PRICKLE2: variants seen among roughly 807,000 people sequenced by gnomAD.
PRICKLE2 encodes the protein prickle-like protein 2.
A neutral mutation model predicts 81.4 loss-of-function variants in PRICKLE2; 21 were observed. The observed-to-expected ratio is 0.26, with a 90% confidence interval of 0.18 to 0.37. The LOEUF (loss-of-function observed/expected upper bound fraction) is 0.37, where lower values mean the gene tolerates loss of function less well. Among genes scored for constraint, PRICKLE2 ranks in the 10% least tolerant of loss-of-function variants. PRICKLE2 has a pLI of 1.00. For synonymous variants in PRICKLE2, 456 were observed against 421.5 expected, an observed-to-expected ratio of 1.08 and a Z score of -1.00; for missense variants, 940 against 1,109.0, an observed-to-expected ratio of 0.85 and a Z score of 2.16.
At chr3:64,117,303 C>T (rs1318494608) in intron 7 of PRICKLE2, among the ~76,000 whole-genome samples, 1 of 152,130 alleles carries the variant, frequency 6.6e-6, no homozygotes, top group Non-Finnish European at 1.5e-5. Flanking sequence ...ACAAGGATGC[C>T]CTCTCTCACC....
intron 7 of PRICKLE2, among the ~76,000 whole-genome samples, chr3:64,144,066 T>C (rs1319034987): frequency 6.6e-6 from 1 of 152,074 alleles, no homozygotes; most frequent in East Asian, 1.9e-4. Context: ...TAAAACCCAC[T>C]GCATGGACAA....
chr3:64,114,207 A>G lies in PRICKLE2; in HGVS notation c.1661-14282T>C, dbSNP rs990285562. ...CATCAAATAGGATTAAGAAAAAAAA[A>G]AAAACCATGCAAAGGTCAGCAACCT... is the stretch of plus-strand genomic sequence containing the variant. On this transcript the variant is annotated intron_variant, in intron 7 of 7. Coordinates refer to ENST00000638394, the MANE Select transcript of PRICKLE2 (RefSeq NM_198859.4). Among the ~76,000 whole-genome samples, 12 of 152,292 alleles carry G rather than the reference A, an allele frequency of 7.9e-5. 1 individual carries two copies. Among genetic ancestry groups the G allele is most frequent in the African/African-American group, 2.4e-4 (10 of 41,554 alleles).
chr3:64,179,598 A>G (rs1575626886), intron 2 of PRICKLE2, among the ~76,000 whole-genome samples: 1 of 152,218 alleles, frequency 6.6e-6, no homozygotes, highest in Admixed American at 6.5e-5. Flanking sequence ...CCATGTATGC[A>G]TTAGGCAATT....
chr3:64,191,903 C>T (rs778607801), intron 2 of PRICKLE2, among the ~76,000 whole-genome samples: 22 of 152,202 alleles, frequency 1.4e-4, no homozygotes, highest in Non-Finnish European at 2.8e-4. Flanking sequence ...TTTGGATACA[C>T]AGTGGGCTTC....
chr3:64,198,754 C>G, intron 2 of PRICKLE2, 30 bp downstream of exon 2: 1 of 1,612,296 alleles, frequency 6.2e-7, no homozygotes, highest in Non-Finnish European at 8.5e-7. Context: ...AACACCCAAA[C>G]CACCAGCATG....
chr3:64,240,495 T>A (rs1168597849), intron 2 of PRICKLE2, among the ~76,000 whole-genome samples: 1 of 152,186 alleles, frequency 6.6e-6, no homozygotes, highest in Non-Finnish European at 1.5e-5. Context: ...TCTGCAGGAC[T>A]CCCGGGATCC....
At chr3:64,157,990 C>G (rs1174582954) in intron 4 of PRICKLE2, among the ~76,000 whole-genome samples, 1 of 152,246 alleles carries the variant, frequency 6.6e-6, no homozygotes, top group Non-Finnish European at 1.5e-5. Context: ...CCCTTCCCTA[C>G]CTTCTCACTC....
intron 7 of PRICKLE2, among the ~76,000 whole-genome samples, chr3:64,139,009 T>A (rs1441902005): frequency 1.3e-5 from 2 of 152,256 alleles, no homozygotes; most frequent in African/African-American, 4.8e-5. Flanking sequence ...TTGCAAGGAT[T>A]AAAAAACATC....
At chr3:64,248,004 T>TG (rs2079384539) in intron 2 of PRICKLE2, among the ~76,000 whole-genome samples, 1 of 152,146 alleles carries the variant, frequency 6.6e-6, no homozygotes. Flanking sequence ...GGCACCTCAA[T>TG]CCACAAAACG....
At position 64,153,176 on chromosome 3, in the gene PRICKLE2, C is replaced by T; in HGVS notation, c.787+6G>A. 1 of 1,613,834 alleles carries T rather than the reference C, an allele frequency of 6.2e-7. No individual in the cohort carries two copies. The highest frequency in any genetic ancestry group is 2.2e-5 in the East Asian group (1 of 44,874). On this transcript the variant is annotated splice_donor_region_variant and intron_variant, in intron 6 of 7. Coordinates refer to ENST00000638394, the MANE Select transcript of PRICKLE2 (RefSeq NM_198859.4). The stretch of plus-strand genomic sequence containing the variant: ...GGACCAAGCTGACTGCCAAATATTG[C>T]CTCACCTATATGTTGGGCACAGGTG...
intron 7 of PRICKLE2, chr3:64,100,586 A>G (rs2076643136): frequency 6.6e-6 from 1 of 152,348 alleles, no homozygotes; most frequent in Non-Finnish European, 1.5e-5. Context: ...TCTAGCAGCC[A>G]GAAGATGTGT....
chr3:64,114,910 G>C (rs770357666), intron 7 of PRICKLE2, among the ~76,000 whole-genome samples: 1 of 151,962 alleles, frequency 6.6e-6, no homozygotes, highest in Non-Finnish European at 1.5e-5. Context: ...GATTTTCTGA[G>C]GTCAAAATAA....
intron 2 of PRICKLE2, among the ~76,000 whole-genome samples, chr3:64,165,011 G>T (rs910382213): frequency 2.6e-5 from 4 of 152,216 alleles, no homozygotes; most frequent in Non-Finnish European, 5.9e-5. Context: ...ACTGCTTGTA[G>T]AAAGGCCTTG....
intron 2 of PRICKLE2, among the ~76,000 whole-genome samples, chr3:64,264,799 T>C (rs2079672829): frequency 6.6e-6 from 1 of 152,228 alleles, no homozygotes; most frequent in Non-Finnish European, 1.5e-5. Context: ...AAAGATGTGA[T>C]AAGCAATGTC....
At chr3:64,127,027 C>A (rs563432198) in intron 7 of PRICKLE2, among the ~76,000 whole-genome samples, 1 of 152,286 alleles carries the variant, frequency 6.6e-6, no homozygotes, top group African/African-American at 2.4e-5. Context: ...GCTGCTGGGG[C>A]AACACCAGCA....
chr3:64,242,199 A>C (rs1438945398), intron 2 of PRICKLE2, among the ~76,000 whole-genome samples: 1 of 152,194 alleles, frequency 6.6e-6, no homozygotes, highest in Admixed American at 6.5e-5. Context: ...CAAATAAATA[A>C]ATAATGTGCA....
chr3:64,160,537 C>T (rs533220245), intron 3 of PRICKLE2, among the ~76,000 whole-genome samples: 7 of 152,160 alleles, frequency 4.6e-5, no homozygotes, highest in Non-Finnish European at 4.4e-5. Context: ...CAGGTGTCCA[C>T]GTGCTCACAG....
intron 4 of PRICKLE2, among the ~76,000 whole-genome samples, chr3:64,158,792 T>C (rs2077681848): frequency 6.6e-6 from 1 of 152,172 alleles, no homozygotes; most frequent in African/African-American, 2.4e-5. Flanking sequence ...GCCAAATCTC[T>C]GGTCAATTAG....
intron 7 of PRICKLE2, among the ~76,000 whole-genome samples, chr3:64,108,891 G>A (rs117698942): frequency 6.6e-6 from 1 of 152,056 alleles, no homozygotes; most frequent in Non-Finnish European, 1.5e-5. Flanking sequence ...TGCACTTCAG[G>A]ATGTTCAGCA....
Sources: gnomAD v4.1 joint callset for allele counts (sites outside exome capture counted in the v4.1 genomes callset) on GRCh38, gnomAD v4.1.1 for gene constraint, MANE v1.5 for transcripts, NCBI Gene and HGNC (gene_info 2026-07-23, HGNC 2026-07-21) for gene names.